The following CATSPERE variants were observed in gnomAD, a reference collection of about 807,000 sequenced individuals.
CATSPERE encodes cation channel sperm-associated auxiliary subunit epsilon.
CATSPERE carries 93 observed loss-of-function variants against 114.1 expected under a neutral mutation model. The ratio of observed to expected loss-of-function variants is 0.81; its 90% CI spans 0.69 to 0.97. The LOEUF (loss-of-function observed/expected upper bound fraction) is 0.97, where lower values mean the gene tolerates loss of function less well. Ranked by LOEUF, CATSPERE falls within the 50% of genes least tolerant of loss-of-function variation. The pLI, the probability that CATSPERE is intolerant of heterozygous loss-of-function variation, is 0.00. For missense variants in CATSPERE, 1,058 were observed against 1,131.6 expected, an observed-to-expected ratio of 0.93 and a Z score of 0.93; for synonymous variants, 341 against 384.1, an observed-to-expected ratio of 0.89 and a Z score of 1.31.
At chr1:244,526,372 A>G (rs1408566857) in intron 8 of CATSPERE, among the ~76,000 whole-genome samples, 3 of 151,980 alleles carry the variant, frequency 2.0e-5, no homozygotes, top group Non-Finnish European at 2.9e-5. Flanking sequence ...TTGGGCCACT[A>G]CACTTCAACC....
intron 6 of CATSPERE, among the ~76,000 whole-genome samples, chr1:244,494,166 G>A (rs1176513003): frequency 7.9e-5 from 12 of 151,896 alleles, no homozygotes; most frequent in East Asian, 5.8e-4. Flanking sequence ...TGTTTATTGC[G>A]GCACTATTCA....
chr1:244,486,638 A>G (rs1671088887), intron 5 of CATSPERE, among the ~76,000 whole-genome samples: 1 of 111,116 alleles, frequency 9.0e-6, no homozygotes, highest in Admixed American at 8.8e-5. Context: ...AGACCCTCGT[A>G]GTCACCTGGT....
intron 7 of CATSPERE, 148 bp downstream of exon 7, chr1:244,499,227 A>C (rs1673607124): frequency 2.0e-6 from 1 of 508,188 alleles, no homozygotes; most frequent in Non-Finnish European, 3.5e-6. Flanking sequence ...TAGTTTAGCC[A>C]TTATAGTAGT....
At chr1:244,539,511 T>C (rs1658243440) in intron 8 of CATSPERE, among the ~76,000 whole-genome samples, 1 of 123,754 alleles carries the variant, frequency 8.1e-6, no homozygotes, top group African/African-American at 2.9e-5. Context: ...GAGGATTCTC[T>C]CTTTTTCTAT....
At chr1:244,512,173 A>G (rs767715497) in intron 7 of CATSPERE, among the ~76,000 whole-genome samples, 1 of 152,214 alleles carries the variant, frequency 6.6e-6, no homozygotes, top group Non-Finnish European at 1.5e-5. Flanking sequence ...AGCTCTCAAA[A>G]TTCAAATATC....
At chr1:244,639,519 G>A (rs1330375287) in intron 21 of CATSPERE, among the ~76,000 whole-genome samples, 4 of 152,024 alleles carry the variant, frequency 2.6e-5, no homozygotes, top group African/African-American at 7.2e-5. Flanking sequence ...GTGAAACCCC[G>A]TCTCTACTAA....
At chr1:244,461,519 A>G in intron 1 of CATSPERE, 25 bp downstream of exon 1, 1 of 1,287,440 alleles carries the variant, frequency 7.8e-7, no homozygotes. Context: ...GTCGCAGGCG[A>G]GCGACTAGGC....
intron 4 of CATSPERE, among the ~76,000 whole-genome samples, chr1:244,478,691 A>G (rs1214406140): frequency 1.3e-5 from 2 of 152,222 alleles, no homozygotes; most frequent in African/African-American, 4.8e-5. Flanking sequence ...ATGATGTGAA[A>G]CATATTTGAA....
chr1:244,482,120 T>C (rs1321957814), intron 5 of CATSPERE, among the ~76,000 whole-genome samples: 1 of 152,182 alleles, frequency 6.6e-6, no homozygotes, highest in Non-Finnish European at 1.5e-5. Context: ...AGTTTTTCTG[T>C]AATATATATT....
chr1:244,507,306 T>C (rs1365869421), intron 7 of CATSPERE, among the ~76,000 whole-genome samples: 1 of 152,164 alleles, frequency 6.6e-6, no homozygotes, highest in Non-Finnish European at 1.5e-5. Flanking sequence ...GGTAGTTTCA[T>C]GTTTAGTTTT....
intron 19 of CATSPERE, among the ~76,000 whole-genome samples, chr1:244,612,864 G>C (rs967875881): frequency 6.6e-6 from 1 of 152,206 alleles, no homozygotes; most frequent in Non-Finnish European, 1.5e-5. Context: ...ATTTGATCAA[G>C]TGGGCTTTCG....
At chr1:244,629,501 A>AT (rs1346858909) in intron 20 of CATSPERE, among the ~76,000 whole-genome samples, 2 of 105,176 alleles carry the variant, frequency 1.9e-5, no homozygotes, top group African/African-American at 3.6e-5. Context: ...TGTCTCTCTT[A>AT]CCTTTTTTTT....
intron 6 of CATSPERE, among the ~76,000 whole-genome samples, chr1:244,497,141 A>C (rs973818062): frequency 2.0e-5 from 3 of 152,232 alleles, no homozygotes; most frequent in African/African-American, 7.2e-5. Flanking sequence ...TAAAGAAAAC[A>C]TGGAAGAATT....
In CATSPERE at chr1:244,593,318, T is replaced by TA. The variant is rs1193911578; in HGVS notation, c.2190-76dup. 4 of 1,463,992 alleles carry TA rather than the reference T, an allele frequency of 2.7e-6. No individual in the cohort carries two copies. The East Asian group carries it at 9.1e-5, about 33-fold the overall frequency. The allele number at this position is 1,463,992 out of a possible 1,614,324, so 90.7% of individuals were successfully genotyped here. The stretch of plus-strand genomic sequence containing the variant: ...CTGTTTGACCTTTGTGATACCTCCT[T>TA]ACCTAAACAAAGTCATGGGTTTAGT... On this transcript the variant is annotated intron_variant, in intron 15 of 21. Transcript: ENST00000366534.
intron 2 of CATSPERE, among the ~76,000 whole-genome samples, chr1:244,473,857 T>C (rs1414702708): frequency 6.6e-6 from 1 of 152,136 alleles, no homozygotes; most frequent in East Asian, 1.9e-4. Context: ...TTAGGTGTGT[T>C]GTATTTACTG....
chr1:244,479,892 T>C lies in CATSPERE; in HGVS notation c.326+108T>C, dbSNP rs1047122047. On this transcript the variant is annotated intron_variant, in intron 5 of 21. Coordinates refer to ENST00000366534, the MANE Select transcript of CATSPERE (RefSeq NM_001130957.2). ...CTATATTACGGTTTCCATACAACTT[T>C]CATTCACCAACCAAGCTATTCTCAA... is the stretch of plus-strand genomic sequence containing the variant. 8 of 501,788 alleles carry C rather than the reference T, an allele frequency of 1.6e-5. No homozygotes were observed. In the Admixed American group the frequency reaches 2.7e-4, roughly 17 times the overall value. The allele number at this position is 501,788 out of a possible 1,614,324, so 31.1% of individuals were successfully genotyped here.
intron 17 of CATSPERE, among the ~76,000 whole-genome samples, chr1:244,604,186 TAG>T (rs1308332892): frequency 1.3e-5 from 2 of 152,240 alleles, no homozygotes; most frequent in Non-Finnish European, 1.5e-5. Flanking sequence ...GAGCTCTCAG[TAG>T]AGTTTTTGAA....
chr1:244,539,491 G>A (rs9287270), intron 8 of CATSPERE, among the ~76,000 whole-genome samples: 112,160 of 112,896 alleles, frequency 0.99, 55,740 homozygotes, highest in Middle Eastern at 1. Flanking sequence ...GCCTCATAAA[G>A]TGAGTTAGGG....
chr1:244,544,108 A>G (rs1659336076), intron 8 of CATSPERE, among the ~76,000 whole-genome samples: 1 of 152,118 alleles, frequency 6.6e-6, no homozygotes, highest in Non-Finnish European at 1.5e-5. Flanking sequence ...AGCAGACTTG[A>G]GCCTGTCTAT....
Sources: gnomAD v4.1 joint callset for allele counts (sites outside exome capture counted in the v4.1 genomes callset) on GRCh38, gnomAD v4.1.1 for gene constraint, MANE v1.5 for transcripts, NCBI Gene and HGNC (gene_info 2026-07-23, HGNC 2026-07-21) for gene names.